USP42: variants seen among roughly 807,000 people sequenced by gnomAD.
The protein encoded by USP42 is ubiquitin specific peptidase 42.
In USP42, 23 loss-of-function variants were observed where a neutral mutation model predicts 113.0. That is an observed-to-expected ratio of 0.20 (90% CI 0.15 to 0.29). USP42 has a LOEUF of 0.29. Ranked by LOEUF, USP42 falls within the 10% of genes least tolerant of loss-of-function variation. The pLI, the probability that USP42 is intolerant of heterozygous loss-of-function variation, is 1.00. For missense variants in USP42, 2,174 were observed against 1,779.8 expected (o/e 1.22, Z -3.99); for synonymous variants, 933 against 699.0 (o/e 1.33, Z -5.28).
At chr7:6,122,890 C>G (rs2128487899) in intron 3 of USP42, among the ~76,000 whole-genome samples, 1 of 151,952 alleles carries the variant, frequency 6.6e-6, no homozygotes, top group Middle Eastern at 3.4e-3. Flanking sequence ...GTGGTATGAT[C>G]TTGGTTCGCC....
At chr7:6,099,717 T>G in the USP42 span, among the ~76,000 whole-genome samples, 1 of 150,188 alleles carries the variant, frequency 6.7e-6, no homozygotes, top group Non-Finnish European at 1.5e-5. Flanking sequence ...AATCCCAGCA[T>G]TTTGGGAGGC....
At chr7:6,124,290 C>T (rs1006571030) in intron 3 of USP42, among the ~76,000 whole-genome samples, 11 of 151,628 alleles carry the variant, frequency 7.3e-5, no homozygotes, top group East Asian at 1.9e-4. Flanking sequence ...TTTTTTGAGA[C>T]GGATTCTCGC....
At position 6,159,957 on chromosome 7, in the gene USP42, C is replaced by A. The variant is rs918483917; in HGVS notation, c.*36+464C>A. Among the ~76,000 whole-genome samples, 1 of 152,244 alleles carries A rather than the reference C, an allele frequency of 6.6e-6. No individual in the cohort carries two copies. Among genetic ancestry groups the A allele is most frequent in the African/African-American group, 2.4e-5 (1 of 41,466 alleles). ...GCACTGAGCTGGAGCCAGCACCCCCCCAGCAGCCACCGTACAAAACCATAG... is the reference window on the plus strand; with the variant it reads ...GCACTGAGCTGGAGCCAGCACCCCCACAGCAGCCACCGTACAAAACCATAG... On this transcript the variant is annotated intron_variant, in intron 17 of 17. Coordinates refer to ENST00000306177, the MANE Select transcript of USP42 (RefSeq NM_032172.3). The surrounding 1 kb of genome is among the most constrained non-coding windows in gnomAD (Gnocchi z 4.1).
the USP42 span, among the ~76,000 whole-genome samples, chr7:6,098,180 G>C: frequency 2.0e-5 from 3 of 149,948 alleles, no homozygotes; most frequent in Non-Finnish European, 3.0e-5. Context: ...TGGGATTACA[G>C]GCGTGAGCCA....
At chr7:6,141,841 T>G (rs1167826306) in intron 7 of USP42, among the ~76,000 whole-genome samples, 1 of 152,222 alleles carries the variant, frequency 6.6e-6, no homozygotes, top group African/African-American at 2.4e-5. Flanking sequence ...TAAAATCCTT[T>G]CCTTTTGAAT....
rs1780388161 is a variant in USP42, at chr7:6,124,068, G to A, written c.442+8545G>A. 2.0e-5 allele frequency among the ~76,000 whole-genome samples: 3 copies of A among 151,988 alleles called. No individual in the cohort carries two copies. The South Asian group carries it at 6.2e-4, about 32-fold the overall frequency. ...CTTTTGTATTTTTAGTAGTGATGGG[G>A]TTTCACCATGTTGGCCAGGCTGGTC... On this transcript the variant is annotated intron_variant, in intron 3 of 17. Transcript: ENST00000306177.
upstream of USP42, among the ~76,000 whole-genome samples, chr7:6,102,856 G>GT (rs1365283379): frequency 6.6e-6 from 1 of 151,160 alleles, no homozygotes; most frequent in African/African-American, 2.5e-5. Context: ...TGATCTGACG[G>GT]TTTTTGGAAG....
intron 1 of USP42, among the ~76,000 whole-genome samples, chr7:6,107,749 A>G (rs374422412): frequency 1.3e-5 from 2 of 151,662 alleles, no homozygotes; most frequent in South Asian, 4.2e-4. Context: ...TTCTGTCCCC[A>G]CACTGTTTCA....
intron 3 of USP42, among the ~76,000 whole-genome samples, chr7:6,126,983 G>A (rs1410976501): frequency 6.6e-6 from 1 of 152,200 alleles, no homozygotes; most frequent in Non-Finnish European, 1.5e-5. Context: ...TTGCATCTTT[G>A]CCAACATTTG....
rs891686437 is a variant in USP42, at chr7:6,159,784, C to T, written c.*36+291C>T. Among the ~76,000 whole-genome samples, 8 of 152,352 alleles carry T rather than the reference C, an allele frequency of 5.3e-5. No homozygotes were observed. Among genetic ancestry groups the T allele is most frequent in the South Asian group, 2.1e-4 (1 of 4,828 alleles). Reference sequence around the variant, plus strand: ...GTGCCTCACTTGGGAAAAGCCAACCCGGCTCACAGCGGCAGAGCCCACGGG... The same window carrying T: ...GTGCCTCACTTGGGAAAAGCCAACCTGGCTCACAGCGGCAGAGCCCACGGG... On this transcript the variant is annotated intron_variant, in intron 17 of 17. Transcript: ENST00000306177. This position sits in a 1 kb window ranked among gnomAD's most constrained non-coding sequence, Gnocchi z 4.1.
At chr7:6,093,657 C>G in the USP42 span, among the ~76,000 whole-genome samples, 2 of 142,270 alleles carry the variant, frequency 1.4e-5, no homozygotes, top group East Asian at 4.4e-4. Context: ...CCTCTTTCTT[C>G]CTTTCTCTCT....
chr7:6,152,879 A>C (rs1782154309), intron 14 of USP42: 2 of 973,162 alleles, frequency 2.1e-6, no homozygotes, highest in South Asian at 4.7e-5. Flanking sequence ...TCTACCTTTG[A>C]GGGTCCAAGA....
chr7:6,098,104 C>T, the USP42 span, among the ~76,000 whole-genome samples: 6 of 148,410 alleles, frequency 4.0e-5, 1 homozygote, highest in African/African-American at 1.5e-4. Context: ...CGGGTTTCAC[C>T]ATGTTGGCCA....
Position 6,149,841 on chromosome 7 carries a change from C to T in USP42, c.1645C>T (p.Pro549Ser), listed in dbSNP as rs201918410. ...PNLHSNSLEN[P>S]TKPVPSSTIT... ...CCTTCATAGTAATTCTTTGGAGAACCCTACCAAGCCCGTTCCCTCTTCTAC... is the reference window on the plus strand; with the variant it reads ...CCTTCATAGTAATTCTTTGGAGAACTCTACCAAGCCCGTTCCCTCTTCTAC... Residue 549 changes from proline (P) to serine (S), a missense_variant, in exon 13 of 18, where the codon CCT becomes TCT. Transcript: ENST00000306177. The T allele has an allele frequency of 2.5e-6, 4 of 1,613,916 alleles. No homozygotes were observed. Among genetic ancestry groups the T allele is most frequent in the East Asian group, 2.2e-5 (1 of 44,900 alleles).
At position 6,148,708 on chromosome 7, in the gene USP42, C is replaced by T. The variant is rs116350406; in HGVS notation, c.1386+816C>T. The stretch of plus-strand genomic sequence containing the variant: ...CATCTGAGCTGTGGCATCTTCACAG[C>T]TTTTCGACTTGAGTTTGTTTTGGAT... On this transcript the variant is annotated intron_variant, in intron 12 of 17. Coordinates refer to ENST00000306177, the MANE Select transcript of USP42 (RefSeq NM_032172.3). 6.1e-3 allele frequency among the ~76,000 whole-genome samples: 929 copies of T among 152,248 alleles called. 9 individuals are homozygous for T. Among genetic ancestry groups the T allele is most frequent in the African/African-American group, 0.021 (880 of 41,538 alleles).
chr7:6,110,488 TGTTTGA>T (rs1416926447), intron 1 of USP42, among the ~76,000 whole-genome samples: 2 of 152,204 alleles, frequency 1.3e-5, no homozygotes, highest in Admixed American at 6.5e-5. Context: ...CAGATATTTG[TGTTTGA>T]GTTTGATATC....
upstream of USP42, among the ~76,000 whole-genome samples, chr7:6,104,427 G>A (rs758090311): frequency 5.9e-5 from 9 of 152,246 alleles, no homozygotes; most frequent in Admixed American, 1.3e-4. Context: ...CGTCCGCTAG[G>A]CCAAGGGAGG....
the USP42 span, among the ~76,000 whole-genome samples, chr7:6,083,341 T>C: frequency 3.3e-5 from 5 of 150,066 alleles, no homozygotes; most frequent in Non-Finnish European, 7.4e-5. Flanking sequence ...CTGCAACCTC[T>C]GCCTCCCAGG....
At chr7:6,156,461 A>G (rs773102276) in intron 15 of USP42, among the ~76,000 whole-genome samples, 1 of 151,876 alleles carries the variant, frequency 6.6e-6, no homozygotes, top group Non-Finnish European at 1.5e-5. Context: ...AAACTTGTTA[A>G]ATTTTTGAGA....
Sources: gnomAD v4.1 joint callset for allele counts (sites outside exome capture counted in the v4.1 genomes callset) on GRCh38, gnomAD v4.1.1 for gene constraint, Gnocchi (gnomAD v3.1) non-coding constraint, MANE v1.5 for transcripts, NCBI Gene and HGNC (gene_info 2026-07-23, HGNC 2026-07-21) for gene names.